Variants in KASH5 observed in about 807,000 individuals in gnomAD.
KASH5 encodes KASH domain containing 5, also known as protein KASH5.
In KASH5, 72 loss-of-function variants were observed where a neutral mutation model predicts 84.2. That is an observed-to-expected ratio of 0.85 (90% confidence interval 0.71 to 1.04). The LOEUF (loss-of-function observed/expected upper bound fraction) is 1.04. Ranked by LOEUF, KASH5 falls within the 50% of genes least tolerant of loss-of-function variation. The pLI, the probability that KASH5 is intolerant of heterozygous loss-of-function variation, is 0.00. For missense variants in KASH5, 650 were observed against 701.0 expected (o/e 0.93, Z 0.82); for synonymous variants, 260 against 279.1 (o/e 0.93, Z 0.68).
chr19:49,401,948 G>A (rs1974373270), intron 9 of KASH5, among the ~76,000 whole-genome samples: 2 of 152,134 alleles, frequency 1.3e-5, no homozygotes, highest in Admixed American at 1.3e-4. Flanking sequence ...CCCTTTTTAA[G>A]AATGAAAAAG....
intron 14 of KASH5, 115 bp from the exon 15 acceptor site, chr19:49,409,638 C>T: frequency 7.4e-7 from 1 of 1,345,452 alleles, no homozygotes. Context: ...CCACACCAGC[C>T]CTTTTCTATC....
intron 11 of KASH5, 77 bp from the exon 12 acceptor site, chr19:49,407,535 C>G (rs921580578): frequency 1.4e-6 from 2 of 1,467,966 alleles, no homozygotes; most frequent in Non-Finnish European, 1.9e-6. Context: ...AACCCCCCAG[C>G]CAGTCCCCCC....
At chr19:49,398,615 C>T (rs534382987) in intron 7 of KASH5, among the ~76,000 whole-genome samples, 3 of 152,278 alleles carry the variant, frequency 2.0e-5, no homozygotes, top group East Asian at 1.9e-4. Context: ...GCCATCCTCC[C>T]GCCTTATCCT....
intron 17 of KASH5, chr19:49,415,397 C>G (rs966181462): frequency 9.3e-6 from 3 of 321,182 alleles, no homozygotes; most frequent in Non-Finnish European, 6.0e-6. Context: ...CCGCAGCCCC[C>G]CTGCCTGCAG....
intron 7 of KASH5, 97 bp downstream of exon 7, chr19:49,398,240 C>T (rs1049902253): frequency 9.7e-7 from 1 of 1,028,640 alleles, no homozygotes; most frequent in Admixed American, 2.9e-5. Flanking sequence ...CTGCATCCTG[C>T]TCTTTGACTC....
At chr19:49,390,380 G>A (rs12609202) in intron 1 of KASH5, 2,038 of 157,248 alleles carry the variant, frequency 0.013, 38 homozygotes, top group East Asian at 0.041. Context: ...CAGGGCCAGG[G>A]TCTCACCCGT....
In KASH5 at chr19:49,406,962, A is replaced by G. The variant is rs2122184800; in HGVS notation, c.875A>G (p.Lys292Arg). ...CTGGCCATGGAGAAGGACACTTTGAAGGTGCCACTCCTTCCTAGTGCCTGA... is the reference window on the plus strand; with the variant it reads ...CTGGCCATGGAGAAGGACACTTTGAGGGTGCCACTCCTTCCTAGTGCCTGA... Reference protein sequence around the residue: ...QELAMEKDTLKRQLFECEHLI... With the variant: ...QELAMEKDTLRRQLFECEHLI... The change falls in exon 10 of 20, where the codon AAG becomes AGG. Residue 292 changes from lysine to arginine, a missense_variant and splice_region_variant. Transcript: ENST00000447857. The G allele has an allele frequency of 6.3e-7, 1 of 1,587,884 alleles. No individual in the cohort carries two copies. Among genetic ancestry groups the G allele is most frequent in the South Asian group, 1.2e-5 (1 of 86,898 alleles).
At position 49,416,892 on chromosome 19, in the gene KASH5, G is replaced by A. The variant is rs1205294565; in HGVS notation, c.1375-123G>A. ...ATGGGAACCCGACCTGGCAGCAGAAGTGCACTCACTTATCTCCTGAGCTCC... is the reference window on the plus strand; with the variant it reads ...ATGGGAACCCGACCTGGCAGCAGAAATGCACTCACTTATCTCCTGAGCTCC... On this transcript the variant is annotated intron_variant, in intron 17 of 19. Coordinates refer to ENST00000447857, the MANE Select transcript of KASH5 (RefSeq NM_144688.5). This position sits in a 1 kb window ranked among gnomAD's most constrained non-coding sequence, Gnocchi z 5.4. 6.3e-6 allele frequency: 6 copies of A among 949,180 alleles called. No homozygotes were observed. Among genetic ancestry groups the A allele is most frequent in the Non-Finnish European group, 9.8e-6 (6 of 611,980 alleles). 58.8% of individuals were successfully genotyped at this position (949,180 alleles called of 1,614,324 possible). A position where few individuals can be genotyped will look rare whatever the true frequency, so the allele number is the denominator to read the frequency against.
At position 49,407,608 on chromosome 19, in the gene KASH5, C is replaced by G. The variant is rs771506218; in HGVS notation, c.934-4C>G. On this transcript the variant is annotated splice_polypyrimidine_tract_variant and splice_region_variant and intron_variant, in intron 11 of 19. Transcript: ENST00000447857. Reference sequence around the variant, plus strand: ...CAGTCTCATTTGGCTTTCGGCTTTCCTAGCGCACTCGCGATGTGGAGAGCC... The same window carrying G: ...CAGTCTCATTTGGCTTTCGGCTTTCGTAGCGCACTCGCGATGTGGAGAGCC... 4.4e-5 allele frequency: 70 copies of G among 1,591,500 alleles called. No homozygotes were observed. The highest frequency in any genetic ancestry group is 1.8e-4 in the Admixed American group (10 of 56,872).
intron 15 of KASH5, among the ~76,000 whole-genome samples, 194 bp downstream of exon 15, chr19:49,410,069 C>T (rs1338402166): frequency 6.6e-6 from 1 of 152,206 alleles, no homozygotes; most frequent in South Asian, 2.1e-4. Flanking sequence ...CAGGGACTGA[C>T]CTGCCAGCGT....
chr19:49,402,290 A>C (rs1165568834), intron 9 of KASH5, among the ~76,000 whole-genome samples: 1 of 147,984 alleles, frequency 6.8e-6, no homozygotes, highest in Non-Finnish European at 1.5e-5. Flanking sequence ...GGTGGCTCAC[A>C]CCTGTAATCC....
chr19:49,407,174 G>A, intron 10 of KASH5, 66 bp from the exon 11 acceptor site: 2 of 1,575,354 alleles, frequency 1.3e-6, no homozygotes, highest in Non-Finnish European at 1.7e-6. Context: ...GGTGGGGCCA[G>A]GTGGAGGGCA....
chr19:49,390,900 G>T lies in KASH5; in HGVS notation c.17G>T (p.Gly6Val), dbSNP rs748741127. The T allele has an allele frequency of 1.2e-6, 2 of 1,600,758 alleles. No homozygotes were observed. Among genetic ancestry groups the T allele is most frequent in the African/African-American group, 2.7e-5 (2 of 73,802 alleles). Residue 6 changes from glycine to valine, a missense_variant, in exon 2 of 20, where the codon GGC becomes GTC. Transcript: ENST00000447857. MDLPE[G>V]PVGGPTAEMY... ...GGGTGGCCCATGGACCTGCCCGAGG[G>T]CCCGGTGGGTGGCCCCACTGCGGAA...
intron 7 of KASH5, 82 bp downstream of exon 7, chr19:49,398,225 C>G: frequency 1.6e-6 from 2 of 1,273,452 alleles, no homozygotes; most frequent in Non-Finnish European, 2.1e-6. Context: ...CTCCCATGCT[C>G]GTGTCTGCAT....
At chr19:49,389,150 C>T (rs1340610423) in intron 1 of KASH5, among the ~76,000 whole-genome samples, 2 of 107,202 alleles carry the variant, frequency 1.9e-5, no homozygotes, top group African/African-American at 7.7e-5. Flanking sequence ...ATCAAGACCC[C>T]CAAAATCCAG....
At position 49,417,019 on chromosome 19, in the gene KASH5, A is replaced by G. The variant is rs955130953; in HGVS notation, c.1379A>G (p.Asp460Gly). The G allele has an allele frequency of 6.3e-7, 1 of 1,587,108 alleles. No homozygotes were observed. The highest frequency in any genetic ancestry group is 8.6e-7 in the Non-Finnish European group (1 of 1,167,536). The change falls in exon 18 of 20, where the codon GAT becomes GGT. Residue 460 changes from aspartate (D) to glycine (G), a missense_variant. Transcript: ENST00000447857. The surrounding 1 kb of genome is among the most constrained non-coding windows in gnomAD (Gnocchi z 5.2). ...EEDAESQVTA[D>G]LPVPLGAPRP... ...GCATCTCTTCTGTCCTTGCAGGCTG[A>G]TCTCCCTGTCCCTCTAGGAGCCCCT...
chr19:49,413,116 G>C (rs1032314938), intron 16 of KASH5, 90 bp downstream of exon 16: 2 of 1,289,952 alleles, frequency 1.6e-6, no homozygotes, highest in Admixed American at 1.9e-5. Flanking sequence ...TGAGGGGATC[G>C]GCATTCATTC....
chr19:49,402,500 A>G (rs1974393759), intron 9 of KASH5, among the ~76,000 whole-genome samples: 1 of 152,120 alleles, frequency 6.6e-6, no homozygotes, highest in South Asian at 2.1e-4. Flanking sequence ...TGAGGTCAGG[A>G]GTTCGAAACC....
chr19:49,405,598 G>A (rs183325518), intron 9 of KASH5, among the ~76,000 whole-genome samples: 4 of 152,210 alleles, frequency 2.6e-5, no homozygotes, highest in Admixed American at 2.6e-4. Flanking sequence ...GGAGATAAAT[G>A]CTGGAGTAAC....
Sources: gnomAD v4.1 joint callset for allele counts (sites outside exome capture counted in the v4.1 genomes callset) on GRCh38, gnomAD v4.1.1 for gene constraint, Gnocchi (gnomAD v3.1) non-coding constraint, MANE v1.5 for transcripts, NCBI Gene and HGNC (gene_info 2026-07-23, HGNC 2026-07-21) for gene names.